Variants in PPP2R2C observed in about 807,000 individuals in gnomAD.
PPP2R2C encodes the protein protein phosphatase 2 regulatory subunit Bgamma, also known as protein phosphatase 2, regulatory subunit B, gamma.
PPP2R2C carries 10 observed loss-of-function variants against 45.3 expected under a neutral mutation model. That is an observed-to-expected ratio of 0.22 (90% CI 0.14 to 0.37). PPP2R2C has a LOEUF of 0.37. PPP2R2C is among the 10% of genes least tolerant of loss of function. PPP2R2C has a pLI of 1.00. For missense variants in PPP2R2C, 308 were observed against 619.7 expected (o/e 0.50, Z 5.34); for synonymous variants, 257 against 245.4 (o/e 1.05, Z -0.44).
chr4:6,337,110 G>GTACATATA (rs1207923428), intron 6 of PPP2R2C, among the ~76,000 whole-genome samples: 1 of 41,486 alleles, frequency 2.4e-5, no homozygotes, highest in Non-Finnish European at 4.5e-5. Context: ...GTATGTGTGT[G>GTACATATA]TGTATATATA....
intron 5 of PPP2R2C, among the ~76,000 whole-genome samples, chr4:6,363,902 C>T (rs1019713839): frequency 2.0e-5 from 3 of 152,232 alleles, no homozygotes; most frequent in Non-Finnish European, 2.9e-5. Flanking sequence ...GAACAGAAGC[C>T]TCAGTGTCAA....
At chr4:6,508,120 T>C (rs1577227156) in intron 2 of PPP2R2C, among the ~76,000 whole-genome samples, 1 of 152,102 alleles carries the variant, frequency 6.6e-6, no homozygotes, top group East Asian at 1.9e-4. Flanking sequence ...AACAACTACA[T>C]AGTATTGTTA....
intron 1 of PPP2R2C, among the ~76,000 whole-genome samples, chr4:6,399,457 A>G (rs1717268845): frequency 6.6e-6 from 1 of 152,266 alleles, no homozygotes; most frequent in Non-Finnish European, 1.5e-5. Context: ...ATCATTGATC[A>G]ATCCACAAGT....
rs1454234700 is a variant in PPP2R2C, at chr4:6,368,752, TCTCA to T, written c.625+3767_625+3770del. ...CCCGTGGCCACGCTCTGGCCCTGCC[TCTCA>T]CTCTCTCTCCCCGGGTCTCCTTGCT... is the stretch of plus-strand genomic sequence containing the variant. On this transcript the variant is annotated intron_variant, in intron 5 of 8. Transcript: ENST00000382599. The surrounding 1 kb of genome is among the most constrained non-coding windows in gnomAD (Gnocchi z 4.2). Among the ~76,000 whole-genome samples the T allele has an allele frequency of 6.6e-6, 1 of 152,036 alleles. No individual in the cohort carries two copies. Among genetic ancestry groups the T allele is most frequent in the African/African-American group, 2.4e-5 (1 of 41,392 alleles).
intron 1 of PPP2R2C, among the ~76,000 whole-genome samples, chr4:6,537,801 C>T (rs1373527612): frequency 2.6e-5 from 4 of 152,144 alleles, no homozygotes; most frequent in Non-Finnish European, 1.5e-5. Context: ...CCACCTGCCT[C>T]GGCCTCCCAA....
intron 2 of PPP2R2C, among the ~76,000 whole-genome samples, chr4:6,512,655 G>T (rs1324117684): frequency 6.9e-6 from 1 of 144,094 alleles, no homozygotes; most frequent in Non-Finnish European, 1.5e-5. Flanking sequence ...TGGTGCTGAT[G>T]GTGGTGGTGG....
chr4:6,472,446 CGGGTTCGGGCGGGCCGG>C lies in PPP2R2C; in HGVS notation c.-234_-218del. The C allele has an allele frequency of 2.3e-6, 1 of 436,866 alleles. No homozygotes were observed. Among genetic ancestry groups the C allele is most frequent in the Non-Finnish European group, 3.0e-6 (1 of 331,596 alleles). 27.1% of individuals were successfully genotyped at this position (436,866 alleles called of 1,614,324 possible). Reference sequence around the variant, plus strand: ...GCGCGCGGTGGGCGGGCGGCGGCCGCGGGTTCGGGCGGGCCGGGGCCCAGGCGCGCATCCCGGCCGGC... The same window carrying C: ...GCGCGCGGTGGGCGGGCGGCGGCCGCGGCCCAGGCGCGCATCCCGGCCGGC... On this transcript the variant is annotated 5_prime_UTR_variant, in exon 1 of 9. An upstream open reading frame in the 5' UTR loses its in-frame stop. Coordinates refer to ENST00000382599, the MANE Select transcript of PPP2R2C (RefSeq NM_020416.4).
At chr4:6,447,303 T>C (rs115382352) in intron 1 of PPP2R2C, among the ~76,000 whole-genome samples, 1,866 of 152,238 alleles carry the variant, frequency 0.012, 41 homozygotes, top group African/African-American at 0.042. Flanking sequence ...CGCTGCCACC[T>C]CAGCCAACTC....
chr4:6,326,978 A>G (rs1328553209), intron 8 of PPP2R2C, among the ~76,000 whole-genome samples: 3 of 152,210 alleles, frequency 2.0e-5, no homozygotes, highest in Non-Finnish European at 4.4e-5. Flanking sequence ...CCTGGGGGGA[A>G]TCCTTGCTTC....
At position 6,329,054 on chromosome 4, in the gene PPP2R2C, A is replaced by C. The variant is rs1457579389; in HGVS notation, c.1052+208T>G. Among the ~76,000 whole-genome samples the C allele has an allele frequency of 6.6e-6, 1 of 152,226 alleles. No individual in the cohort carries two copies. Among genetic ancestry groups the C allele is most frequent in the Non-Finnish European group, 1.5e-5 (1 of 68,034 alleles). On this transcript the variant is annotated intron_variant, in intron 8 of 8. Coordinates refer to ENST00000382599, the MANE Select transcript of PPP2R2C (RefSeq NM_020416.4). The surrounding 1 kb of genome is among the most constrained non-coding windows in gnomAD (Gnocchi z 5.8). ...CAACGTGGCTGTGAGGTTCAGTGACAGAAGATGAAGAATTTCATGTCCTGC... is the reference window on the plus strand; with the variant it reads ...CAACGTGGCTGTGAGGTTCAGTGACCGAAGATGAAGAATTTCATGTCCTGC...
chr4:6,349,422 G>GC, intron 5 of PPP2R2C: 1 of 978,668 alleles, frequency 1.0e-6, no homozygotes, highest in Non-Finnish European at 1.2e-6. Context: ...CAGAGGCAAA[G>GC]CCCTTCACAC....
intron 2 of PPP2R2C, among the ~76,000 whole-genome samples, chr4:6,488,750 T>C (rs6818027): frequency 0.034 from 5,232 of 152,096 alleles, 152 homozygotes; most frequent in African/African-American, 0.079. Context: ...TAAGGATGCT[T>C]GCAGAAATTA....
At chr4:6,514,082 T>C (rs1029223248) in intron 2 of PPP2R2C, among the ~76,000 whole-genome samples, 1 of 152,224 alleles carries the variant, frequency 6.6e-6, no homozygotes, top group Admixed American at 6.5e-5. Context: ...GAATTCATTT[T>C]ATGTAAGGAA....
intron 5 of PPP2R2C, among the ~76,000 whole-genome samples, chr4:6,363,133 G>T (rs1408110016): frequency 6.6e-6 from 1 of 152,148 alleles, no homozygotes; most frequent in East Asian, 1.9e-4. Context: ...GCCATGGCAC[G>T]CAGGAAGCCC....
chr4:6,337,534 G>A (rs956540626), intron 6 of PPP2R2C, among the ~76,000 whole-genome samples: 4 of 152,048 alleles, frequency 2.6e-5, no homozygotes, highest in African/African-American at 7.2e-5. Flanking sequence ...GCTGACTTCC[G>A]GAGTGGCCTT....
rs537307846 is a variant in PPP2R2C at position 6,345,441 on chromosome 4, C to T, written c.790+2405G>A. 5.3e-4 allele frequency among the ~76,000 whole-genome samples: 80 copies of T among 152,234 alleles called. No individual in the cohort carries two copies. Among genetic ancestry groups the T allele is most frequent in the Admixed American group, 7.8e-4 (12 of 15,296 alleles). On this transcript the variant is annotated intron_variant, in intron 6 of 8. Transcript: ENST00000382599. This position sits in a 1 kb window ranked among gnomAD's most constrained non-coding sequence, Gnocchi z 5.3. Reference sequence around the variant, plus strand: ...ATAAGGCCAAAGATGAAATCAAGGACGCAACTCAGCCAACCTTGAGATGAG... The same window carrying T: ...ATAAGGCCAAAGATGAAATCAAGGATGCAACTCAGCCAACCTTGAGATGAG...
At chr4:6,466,000 G>A (rs1384058998) in intron 1 of PPP2R2C, among the ~76,000 whole-genome samples, 6 of 152,330 alleles carry the variant, frequency 3.9e-5, no homozygotes, top group Non-Finnish European at 2.9e-5. Flanking sequence ...ATATGGGCAC[G>A]TAACACACGT....
intron 1 of PPP2R2C, among the ~76,000 whole-genome samples, chr4:6,548,738 C>T (rs1392874675): frequency 6.6e-6 from 1 of 152,186 alleles, no homozygotes; most frequent in Admixed American, 6.5e-5. Context: ...AGGGGGCAGT[C>T]ATTGGCTGAG....
chr4:6,489,542 A>G (rs1355637355), intron 2 of PPP2R2C, among the ~76,000 whole-genome samples: 1 of 152,174 alleles, frequency 6.6e-6, no homozygotes, highest in African/African-American at 2.4e-5. Flanking sequence ...AAAGAGTGGG[A>G]GCATCCTTGC....
Sources: allele counts gnomAD v4.1 joint callset (sites outside exome capture counted in the v4.1 genomes callset), GRCh38; gene constraint gnomAD v4.1.1; non-coding constraint Gnocchi (gnomAD v3.1); transcripts MANE v1.5; gene names NCBI Gene and HGNC (gene_info 2026-07-23, HGNC 2026-07-21).